The following LIF variants were observed in gnomAD, a reference collection of about 807,000 sequenced individuals.
LIF encodes LIF interleukin 6 family cytokine.
In LIF, 9 loss-of-function variants were observed where a neutral mutation model predicts 15.0. The ratio of observed to expected loss-of-function variants is 0.60; its 90% confidence interval spans 0.36 to 1.04. The LOEUF (loss-of-function observed/expected upper bound fraction) is 1.04. Among genes scored for constraint, LIF ranks in the 50% least tolerant of loss-of-function variants. LIF has a pLI of 0.01. For synonymous variants in LIF, 122 were observed against 119.7 expected (o/e 1.02, Z -0.13); for missense variants, 240 against 266.7 (o/e 0.90, Z 0.70).
rs1220675394 is a variant in LIF at position 30,240,479 on chromosome 22, C to G, written c.*3172G>C. 1 of 151,594 alleles carries G rather than the reference C, an allele frequency of 6.6e-6. No homozygotes were observed. The allele number at this position is 151,594 out of a possible 1,614,324, so 9.4% of individuals were successfully genotyped here. A position where few individuals can be genotyped will look rare whatever the true frequency, so the allele number is the denominator to read the frequency against. On this transcript the variant is annotated 3_prime_UTR_variant, in exon 3 of 3. Transcript: ENST00000249075. Reference sequence around the variant, plus strand: ...AAGAGTAGATTCTTTATTCATTTCTCTTTTTTTTCTTAAAAAAAAAAGTAT... The same window carrying G: ...AAGAGTAGATTCTTTATTCATTTCTGTTTTTTTTCTTAAAAAAAAAAGTAT...
In LIF at chr22:30,244,048, C is replaced by T. The variant is rs1224176226; in HGVS notation, c.212G>A (p.Gly71Glu). 2 of 1,607,796 alleles carry T rather than the reference C, an allele frequency of 1.2e-6. No homozygotes were observed. The highest frequency in any genetic ancestry group is 1.3e-5 in the African/African-American group (1 of 74,852). ...ALFILYYTAQ[G>E]EPFPNNLDKL... Reference sequence around the variant, plus strand: ...GTCCAGGTTGTTGGGGAACGGCTCCCCCTGGGCTGTGTACTGAGGGGCAGA... The same window carrying T: ...GTCCAGGTTGTTGGGGAACGGCTCCTCCTGGGCTGTGTACTGAGGGGCAGA... The change falls in exon 3 of 3, where the codon GGG becomes GAG. Residue 71 changes from glycine (G) to glutamate (E), a missense_variant. Physicochemically the swap from Gly to Glu is moderately conservative, Grantham distance 98 (BLOSUM62 -2). Transcript: ENST00000249075.
At chr22:30,245,620 C>T (rs945226330) in intron 1 of LIF, among the ~76,000 whole-genome samples, 1 of 152,054 alleles carries the variant, frequency 6.6e-6, no homozygotes, top group African/African-American at 2.4e-5. Flanking sequence ...GCCTGGCTGT[C>T]CCCACTCTCC....
intron 2 of LIF, 83 bp downstream of exon 2, chr22:30,244,672 T>G (rs1928807640): frequency 7.3e-7 from 1 of 1,364,680 alleles, no homozygotes; most frequent in Non-Finnish European, 1.0e-6. Context: ...AAAGGTCCCC[T>G]CAACCCAGAT....
rs773040313 is a variant in LIF, at chr22:30,246,707, C to T, written c.-12G>A. 12 of 1,555,920 alleles carry T rather than the reference C, an allele frequency of 7.7e-6. No individual in the cohort carries two copies. In the South Asian group the frequency reaches 1.4e-4, roughly 18 times the overall value. Reference sequence around the variant, plus strand: ...GCCAAGACCTTCATTATGGGCTGCACTTCAGAGGGCCTTGGAGGAAACCTC... The same window carrying T: ...GCCAAGACCTTCATTATGGGCTGCATTTCAGAGGGCCTTGGAGGAAACCTC... On this transcript the variant is annotated 5_prime_UTR_variant, in exon 1 of 3. In the 5' UTR this introduces an upstream ATG that the reference lacks. Coordinates refer to ENST00000249075, the MANE Select transcript of LIF (RefSeq NM_002309.5).
chr22:30,246,422 G>C (rs1169401996), intron 1 of LIF: 2 of 1,170,414 alleles, frequency 1.7e-6, no homozygotes, highest in Non-Finnish European at 2.1e-6. Flanking sequence ...GAAGGAGAGG[G>C]GGAAGAAGAG....
intron 1 of LIF, chr22:30,246,361 G>A (rs756277083): frequency 8.5e-6 from 5 of 585,222 alleles, no homozygotes; most frequent in Non-Finnish European, 1.2e-5. Context: ...GGGAGAAAGC[G>A]CAGAGGGAAG....
chr22:30,244,880 G>A lies in LIF; in HGVS notation c.73C>T (p.Leu25Phe), dbSNP rs1442940888. The A allele has an allele frequency of 6.8e-6, 11 of 1,614,072 alleles. No homozygotes were observed. Among genetic ancestry groups the A allele is most frequent in the Non-Finnish European group, 9.3e-6 (11 of 1,179,996 alleles). ...LHWKHGAGSP[L>F]PITPVNATCA... ...GTGGCGTTGACAGGGGTGATGGGGA[G>A]GGGGCTCCCCGCCCCATGTTTCCAG... The change falls in exon 2 of 3, where the codon CTC (leucine) becomes TTC (phenylalanine). Residue 25 changes from leucine (L) to phenylalanine (F), a missense_variant. Leu to Phe is a conservative substitution (Grantham distance 22). Transcript: ENST00000249075.
rs1928821488 is a variant in LIF, at chr22:30,244,907, G to A, written c.46C>T (p.His16Tyr). The change falls in exon 2 of 3, where the codon CAC becomes TAC. Residue 16 changes from histidine (H) to tyrosine (Y), a missense_variant. Coordinates refer to ENST00000249075, the MANE Select transcript of LIF (RefSeq NM_002309.5). The part of the protein sequence containing the change: ...AGVVPLLLVL[H>Y]WKHGAGSPLP... ...GGGCTCCCCGCCCCATGTTTCCAGT[G>A]CAGAACCAACAGCAGGGGCACAACT... The A allele has an allele frequency of 6.2e-7, 1 of 1,614,004 alleles. No individual in the cohort carries two copies. Among genetic ancestry groups the A allele is most frequent in the Admixed American group, 1.7e-5 (1 of 60,002 alleles).
In LIF at chr22:30,240,822, A is replaced by G. The variant is rs921997518; in HGVS notation, c.*2829T>C. The G allele has an allele frequency of 6.6e-6, 1 of 152,394 alleles. No individual in the cohort carries two copies. The highest frequency in any genetic ancestry group is 2.4e-5 in the African/African-American group (1 of 41,420). 9.4% of individuals were successfully genotyped at this position (152,394 alleles called of 1,614,324 possible). ...TGCCAGAGCTCCAACCCCACACACTATGTCTACTCTGGAGAGCCGGCAAGG... is the reference window on the plus strand; with the variant it reads ...TGCCAGAGCTCCAACCCCACACACTGTGTCTACTCTGGAGAGCCGGCAAGG... On this transcript the variant is annotated 3_prime_UTR_variant, in exon 3 of 3. Coordinates refer to ENST00000249075, the MANE Select transcript of LIF (RefSeq NM_002309.5).
At position 30,243,963 on chromosome 22, in the gene LIF, C is replaced by A; in HGVS notation, c.297G>T (p.Lys99Asn). ...FPPFHANGTE[K>N]AKLVELYRIV... Reference sequence around the variant, plus strand: ...TGCGGTACAGCTCCACCAGCTTGGCCTTCTCCGTGCCGTTGGCGTGGAAGG... The same window carrying A: ...TGCGGTACAGCTCCACCAGCTTGGCATTCTCCGTGCCGTTGGCGTGGAAGG... Residue 99 changes from lysine (K) to asparagine (N), a missense_variant, in exon 3 of 3, where the codon AAG becomes AAT. By Grantham distance (94) the Lys-to-Asn change is moderately conservative. Coordinates refer to ENST00000249075, the MANE Select transcript of LIF (RefSeq NM_002309.5). This position sits in a 1 kb window ranked among gnomAD's most constrained non-coding sequence, Gnocchi z 6.0. 6.2e-7 allele frequency: 1 copy of A among 1,614,156 alleles called. No individual in the cohort carries two copies. The highest frequency in any genetic ancestry group is 8.5e-7 in the Non-Finnish European group (1 of 1,180,024).
In LIF at chr22:30,243,693, C is replaced by T. The variant is rs1409628494; in HGVS notation, c.567G>A (p.Gly189=). The T allele has an allele frequency of 6.2e-7, 1 of 1,614,138 alleles. No homozygotes were observed. The highest frequency in any genetic ancestry group is 8.5e-7 in the Non-Finnish European group (1 of 1,180,050). ...ACACGGCGATGATCTGCTTATACTT[C>T]CCCAGGAGTTGACAGCCCAGCTTCT... ...QKKKLGCQLL[G]KYKQIIAVLA... The change falls in exon 3 of 3, where the codon GGG becomes GGA. Residue 189 remains glycine (G), a synonymous_variant. Coordinates refer to ENST00000249075, the MANE Select transcript of LIF (RefSeq NM_002309.5). The surrounding 1 kb of genome is among the most constrained non-coding windows in gnomAD (Gnocchi z 6.0).
rs750167253 is a variant in LIF, at chr22:30,244,924, G to T, written c.29C>A (p.Pro10His). ...TTTCCAGTGCAGAACCAACAGCAGG[G>T]GCACAACTCCTGGGGACAGTCAGGA... Reference protein sequence around the residue: MKVLAAGVVPLLLVLHWKHG... With the variant: MKVLAAGVVHLLLVLHWKHG... Residue 10 changes from proline to histidine, a missense_variant, in exon 2 of 3, where the codon CCC becomes CAC. Transcript: ENST00000249075. 1 of 1,614,064 alleles carries T rather than the reference G, an allele frequency of 6.2e-7. No homozygotes were observed. Among genetic ancestry groups the T allele is most frequent in the Admixed American group, 1.7e-5 (1 of 60,018 alleles).
Position 30,243,634 on chromosome 22 carries a change from C to T in LIF, c.*17G>A. 6.2e-7 allele frequency: 1 copy of T among 1,614,158 alleles called. No homozygotes were observed. The highest frequency in any genetic ancestry group is 8.5e-7 in the Non-Finnish European group (1 of 1,180,032). The stretch of plus-strand genomic sequence containing the variant: ...TCCTGAGATCCCTCGGTTCACAGCA[C>T]ACTTCAAGACCTCCTGCTAGAAGGC... On this transcript the variant is annotated 3_prime_UTR_variant, in exon 3 of 3. Coordinates refer to ENST00000249075, the MANE Select transcript of LIF (RefSeq NM_002309.5). The surrounding 1 kb of genome is among the most constrained non-coding windows in gnomAD (Gnocchi z 6.0).
At position 30,244,001 on chromosome 22, in the gene LIF, T is replaced by C. The variant is rs1367231194; in HGVS notation, c.259A>G (p.Thr87Ala). ...NLDKLCGPNV[T>A]DFPPFHANGT... ...TTGGCGTGGAAGGGCGGGAAGTCCG[T>C]CACGTTGGGGCCACATAGCTTGTCC... The change falls in exon 3 of 3, where the codon ACG (threonine) becomes GCG (alanine). Residue 87 changes from threonine to alanine, a missense_variant. Physicochemically the swap from Thr to Ala is moderately conservative, Grantham distance 58. Coordinates refer to ENST00000249075, the MANE Select transcript of LIF (RefSeq NM_002309.5). 6.2e-7 allele frequency: 1 copy of C among 1,613,612 alleles called. No individual in the cohort carries two copies. The highest frequency in any genetic ancestry group is 8.5e-7 in the Non-Finnish European group (1 of 1,179,990).
rs1029004783 is a variant in LIF, at chr22:30,241,414, G to A, written c.*2237C>T. 1 of 152,664 alleles carries A rather than the reference G, an allele frequency of 6.6e-6. No homozygotes were observed. Among genetic ancestry groups the A allele is most frequent in the Non-Finnish European group, 1.5e-5 (1 of 68,090 alleles). The allele number at this position is 152,664 out of a possible 1,614,324, so 9.5% of individuals were successfully genotyped here. On this transcript the variant is annotated 3_prime_UTR_variant, in exon 3 of 3. Transcript: ENST00000249075. This position sits in a 1 kb window ranked among gnomAD's most constrained non-coding sequence, Gnocchi z 4.4. ...AGCCGGATGAAGCAGGAAGGAGAAG[G>A]CAGTCCCTGCATCCTGGACAAGGGT...
chr22:30,244,771 G>T lies in LIF; in HGVS notation c.182C>A (p.Ala61Asp). The T allele has an allele frequency of 6.2e-7, 1 of 1,614,016 alleles. No individual in the cohort carries two copies. The highest frequency in any genetic ancestry group is 1.3e-5 in the African/African-American group (1 of 75,042). ...QLAQLNGSAN[A>D]LFILYYTAQG... ...GTAACTTACATAGAGAATAAAGAGGGCATTGGCACTGCCATTGAGCTGTGC... is the reference window on the plus strand; with the variant it reads ...GTAACTTACATAGAGAATAAAGAGGTCATTGGCACTGCCATTGAGCTGTGC... Residue 61 changes from alanine (A) to aspartate (D), a missense_variant, in exon 2 of 3, where the codon GCC becomes GAC. Transcript: ENST00000249075.
rs759734871 is a variant in LIF at position 30,243,250 on chromosome 22, G to A, written c.*401C>T. 4 of 320,666 alleles carry A rather than the reference G, an allele frequency of 1.2e-5. No individual in the cohort carries two copies. The highest frequency in any genetic ancestry group is 2.4e-5 in the Non-Finnish European group (4 of 166,192). The allele number at this position is 320,666 out of a possible 1,614,324, so 19.9% of individuals were successfully genotyped here. A position where few individuals can be genotyped will look rare whatever the true frequency, so the allele number is the denominator to read the frequency against. On this transcript the variant is annotated 3_prime_UTR_variant, in exon 3 of 3. Transcript: ENST00000249075. The surrounding 1 kb of genome is among the most constrained non-coding windows in gnomAD (Gnocchi z 6.0). The stretch of plus-strand genomic sequence containing the variant: ...AAGGGGCAGCAAAGGCACAGATGGT[G>A]ATAATTTGCTGGGGGCTGGTCCACT...
At chr22:30,246,296 A>C in intron 1 of LIF, 1 of 314,200 alleles carries the variant, frequency 3.2e-6, no homozygotes. Flanking sequence ...CGCGGTTGGA[A>C]AGGAGAAAGC....
In LIF at chr22:30,243,735, C is replaced by G. The variant is rs1313642036; in HGVS notation, c.525G>C (p.Lys175Asn). 4 of 1,614,142 alleles carry G rather than the reference C, an allele frequency of 2.5e-6. No individual in the cohort carries two copies. Among genetic ancestry groups the G allele is most frequent in the African/African-American group, 2.7e-5 (2 of 74,936 alleles). Residue 175 changes from lysine to asparagine, a missense_variant, in exon 3 of 3, where the codon AAG becomes AAC. By Grantham distance (94) the Lys-to-Asn change is moderately conservative. Coordinates refer to ENST00000249075, the MANE Select transcript of LIF (RefSeq NM_002309.5). This position sits in a 1 kb window ranked among gnomAD's most constrained non-coding sequence, Gnocchi z 6.0. ...CCAGCTTCTTCTTCTGGAAGACATCCTTACCCGAGGTGTCAGGGCCGTAGG... is the reference window on the plus strand; with the variant it reads ...CCAGCTTCTTCTTCTGGAAGACATCGTTACCCGAGGTGTCAGGGCCGTAGG... ...DVTYGPDTSG[K>N]DVFQKKKLGC...
Sources: allele counts gnomAD v4.1 joint callset (sites outside exome capture counted in the v4.1 genomes callset), GRCh38; gene constraint gnomAD v4.1.1; non-coding constraint Gnocchi (gnomAD v3.1); transcripts MANE v1.5; gene names NCBI Gene and HGNC (gene_info 2026-07-23, HGNC 2026-07-21).